Variants in ATRNL1 observed in about 807,000 individuals in gnomAD.
The protein encoded by ATRNL1 is attractin-like protein 1.
Under a neutral mutation model 182.7 loss-of-function variants are expected in ATRNL1, and 95 were observed. That is an observed-to-expected ratio of 0.52 (90% CI 0.44 to 0.62). The LOEUF (loss-of-function observed/expected upper bound fraction) is 0.62. Among genes scored for constraint, ATRNL1 ranks in the 20% least tolerant of loss-of-function variants. The pLI, the probability that ATRNL1 is intolerant of heterozygous loss-of-function variation, is 0.00. For missense variants in ATRNL1, 1,471 were observed against 1,679.5 expected, an observed-to-expected ratio of 0.88 and a Z score of 2.17; for synonymous variants, 576 against 568.3, an observed-to-expected ratio of 1.01 and a Z score of -0.19.
At chr10:115,469,151 T>C in intron 23 of ATRNL1, 21 bp from the exon 24 acceptor site, 1 of 983,034 alleles carries the variant, frequency 1.0e-6, no homozygotes, top group Non-Finnish European at 1.4e-6. Flanking sequence ...ATATTAATTA[T>C]TTAAATTATT....
intron 21 of ATRNL1, among the ~76,000 whole-genome samples, chr10:115,428,698 C>T (rs1175103077): frequency 5.3e-5 from 8 of 151,910 alleles, no homozygotes; most frequent in Non-Finnish European, 8.8e-5. Flanking sequence ...ATTTAATGAA[C>T]GGTATACAGT....
At chr10:115,228,296 C>T (rs1416563170) in intron 9 of ATRNL1, among the ~76,000 whole-genome samples, 1 of 152,144 alleles carries the variant, frequency 6.6e-6, no homozygotes, top group Non-Finnish European at 1.5e-5. Context: ...AGAGAATAAA[C>T]ATCTTGAACT....
At chr10:115,633,638 A>G (rs1858667117) in intron 26 of ATRNL1, among the ~76,000 whole-genome samples, 1 of 152,156 alleles carries the variant, frequency 6.6e-6, no homozygotes, top group South Asian at 2.1e-4. Context: ...TAAAATTAGT[A>G]ATGGTTTATC....
chr10:115,620,184 G>C (rs1305613870), intron 26 of ATRNL1, among the ~76,000 whole-genome samples: 2 of 152,208 alleles, frequency 1.3e-5, no homozygotes, highest in Non-Finnish European at 2.9e-5. Flanking sequence ...TGGCAGAAGA[G>C]AAAGGGGAAG....
chr10:115,109,199 G>A (rs1458590208), intron 1 of ATRNL1, among the ~76,000 whole-genome samples: 1 of 151,886 alleles, frequency 6.6e-6, no homozygotes, highest in Non-Finnish European at 1.5e-5. Context: ...ACTTATTGCT[G>A]AGTTTCAAAG....
At chr10:115,727,171 AAG>A (rs1442021986) in intron 26 of ATRNL1, 75 bp from the exon 27 acceptor site, 2 of 992,186 alleles carry the variant, frequency 2.0e-6, no homozygotes, top group African/African-American at 3.2e-5. Context: ...CATTTGTTAA[AAG>A]AGGGAACCAG....
intron 10 of ATRNL1, among the ~76,000 whole-genome samples, chr10:115,261,003 A>G (rs114388775): frequency 0.012 from 1,783 of 152,200 alleles, 33 homozygotes; most frequent in African/African-American, 0.04. Flanking sequence ...AAATTTTAAG[A>G]CTAAAAGAGC....
intron 26 of ATRNL1, among the ~76,000 whole-genome samples, chr10:115,620,431 A>G (rs1857669256): frequency 6.6e-6 from 1 of 152,218 alleles, no homozygotes; most frequent in Non-Finnish European, 1.5e-5. Flanking sequence ...TCAAGGAGTT[A>G]CATAAAGGAT....
chr10:115,431,080 A>G (rs117043110), intron 21 of ATRNL1, among the ~76,000 whole-genome samples: 1 of 152,086 alleles, frequency 6.6e-6, no homozygotes, highest in Non-Finnish European at 1.5e-5. Context: ...ACTGACGCTC[A>G]ATGTTTAGAT....
intron 19 of ATRNL1, 58 bp downstream of exon 19, chr10:115,334,477 A>C: frequency 7.4e-7 from 1 of 1,344,720 alleles, no homozygotes; most frequent in Non-Finnish European, 9.9e-7. Flanking sequence ...ATAATTAAGA[A>C]AGCAGCGCCT....
chr10:115,353,369 C>T (rs1856355214), intron 19 of ATRNL1, among the ~76,000 whole-genome samples: 1 of 152,162 alleles, frequency 6.6e-6, no homozygotes, highest in Non-Finnish European at 1.5e-5. Context: ...TCTATTTTAT[C>T]TGACATAGGT....
At chr10:115,917,314 CA>C (rs1362908946) in intron 28 of ATRNL1, among the ~76,000 whole-genome samples, 7 of 151,786 alleles carry the variant, frequency 4.6e-5, no homozygotes, top group African/African-American at 1.7e-4. Context: ...TGTAAAAATA[CA>C]AAAAATTAGC....
intron 15 of ATRNL1, among the ~76,000 whole-genome samples, chr10:115,290,481 G>A (rs1251528607): frequency 2.6e-5 from 4 of 152,062 alleles, no homozygotes; most frequent in African/African-American, 7.2e-5. Flanking sequence ...AAGGTGAAAC[G>A]CCGTCTCTAC....
In ATRNL1 at chr10:115,321,785, A is replaced by G. The variant is rs187162036; in HGVS notation, c.3037+6049A>G. 3.2e-4 allele frequency among the ~76,000 whole-genome samples: 49 copies of G among 152,124 alleles called. 1 individual carries two copies. In the East Asian group the frequency reaches 3.7e-3, roughly 11 times the overall value. ...GACTGAGCAATTAGGCAAAAGCAAG[A>G]AATTAAATGGATCTAAATTGGAAAG... is the stretch of plus-strand genomic sequence containing the variant. On this transcript the variant is annotated intron_variant, in intron 18 of 28. Coordinates refer to ENST00000355044, the MANE Select transcript of ATRNL1 (RefSeq NM_207303.4).
chr10:115,402,295 A>G (rs10885702), intron 20 of ATRNL1, among the ~76,000 whole-genome samples: 36,482 of 151,996 alleles, frequency 0.24, 5,303 homozygotes, highest in Non-Finnish European at 0.34. Context: ...AAATTATATG[A>G]GATTTTGATC....
chr10:115,531,147 A>G (rs1238847731), intron 25 of ATRNL1, among the ~76,000 whole-genome samples: 2 of 149,824 alleles, frequency 1.3e-5, no homozygotes, highest in African/African-American at 4.9e-5. Flanking sequence ...ATACCCAGTA[A>G]TGGGATGGCT....
chr10:115,639,540 A>G (rs1859097851), intron 26 of ATRNL1, among the ~76,000 whole-genome samples: 1 of 152,176 alleles, frequency 6.6e-6, no homozygotes, highest in Non-Finnish European at 1.5e-5. Context: ...CAGTGCAATG[A>G]TATTTAAAAG....
At position 115,733,620 on chromosome 10, in the gene ATRNL1, A is replaced by G. The variant is rs781828870; in HGVS notation, c.3903+6265A>G. ...CTCATTCCTGGACCACATTAAGCCC[A>G]GTCCTCTGCTCTTGGGCACAGCCAG... On this transcript the variant is annotated intron_variant, in intron 27 of 28. Transcript: ENST00000355044. 3.2e-4 allele frequency among the ~76,000 whole-genome samples: 49 copies of G among 152,296 alleles called. No individual in the cohort carries two copies. The Middle Eastern group carries it at 0.01, about 32-fold the overall frequency.
At chr10:115,420,298 C>A (rs1489331640) in intron 20 of ATRNL1, among the ~76,000 whole-genome samples, 1 of 152,080 alleles carries the variant, frequency 6.6e-6, no homozygotes, top group African/African-American at 2.4e-5. Flanking sequence ...CCTGCCTCGG[C>A]CTCCCAAAGT....
Sources: allele counts gnomAD v4.1 joint callset (sites outside exome capture counted in the v4.1 genomes callset), GRCh38; gene constraint gnomAD v4.1.1; transcripts MANE v1.5; gene names NCBI Gene and HGNC (gene_info 2026-07-23, HGNC 2026-07-21).